The following TRPM8 variants were observed in gnomAD, a reference collection of about 807,000 sequenced individuals.
TRPM8 encodes transient receptor potential cation channel subfamily M member 8.
In TRPM8, 110 loss-of-function variants were observed where a neutral mutation model predicts 133.7. The ratio of observed to expected loss-of-function variants is 0.82; its 90% CI spans 0.70 to 0.96. The LOEUF (loss-of-function observed/expected upper bound fraction) is 0.96, where lower values mean the gene tolerates loss of function less well. Ranked by LOEUF, TRPM8 falls within the 40% of genes least tolerant of loss-of-function variation. TRPM8 has a pLI of 0.00. For missense variants in TRPM8, 1,291 were observed against 1,379.5 expected (o/e 0.94, Z 1.02); for synonymous variants, 535 against 532.3 (o/e 1.01, Z -0.07).
chr2:233,946,985 C>A, intron 7 of TRPM8, 103 bp from the exon 8 acceptor site: 1 of 990,846 alleles, frequency 1.0e-6, no homozygotes, highest in Non-Finnish European at 1.6e-6. Context: ...TATCTCTCCA[C>A]ACCCTAGGCT....
At chr2:233,960,521 T>A (rs958675950) in intron 11 of TRPM8, among the ~76,000 whole-genome samples, 1 of 152,196 alleles carries the variant, frequency 6.6e-6, no homozygotes, top group African/African-American at 2.4e-5. Context: ...CCAAGTCACA[T>A]CCAAATTCAC....
chr2:233,953,395 C>T (rs1371243496), intron 9 of TRPM8, among the ~76,000 whole-genome samples: 3 of 152,166 alleles, frequency 2.0e-5, no homozygotes, highest in East Asian at 1.9e-4. Flanking sequence ...CTTGAAATTA[C>T]AGGGTTATTT....
chr2:233,930,982 T>C (rs1029579723), intron 3 of TRPM8, among the ~76,000 whole-genome samples: 8 of 152,242 alleles, frequency 5.3e-5, no homozygotes, highest in Non-Finnish European at 1.2e-4. Flanking sequence ...AGGGAGGCTG[T>C]CACTCTCTTC....
chr2:233,980,708 T>C (rs1160757691), intron 18 of TRPM8, among the ~76,000 whole-genome samples: 1 of 152,192 alleles, frequency 6.6e-6, no homozygotes, highest in Non-Finnish European at 1.5e-5. Context: ...TTGATTTGAA[T>C]GCTGGCTGTG....
At chr2:233,972,656 C>T (rs1691758493) in intron 17 of TRPM8, among the ~76,000 whole-genome samples, 1 of 152,226 alleles carries the variant, frequency 6.6e-6, no homozygotes, top group African/African-American at 2.4e-5. Context: ...GAGTGCAGCG[C>T]CGGTGGGCCG....
rs542098508 is a variant in TRPM8 at position 233,965,521 on chromosome 2, A to G, written c.1879+764A>G. Among the ~76,000 whole-genome samples, 14 of 152,326 alleles carry G rather than the reference A, an allele frequency of 9.2e-5. No homozygotes were observed. In the South Asian group the frequency reaches 1.9e-3, roughly 20 times the overall value. ...AATCCAGAACCGATTACCTCTAAAC[A>G]GCATTTTAAATGAGAATTTCAGGCC... On this transcript the variant is annotated intron_variant, in intron 14 of 25. Coordinates refer to ENST00000324695, the MANE Select transcript of TRPM8 (RefSeq NM_024080.5).
At chr2:233,954,724 G>A (rs918743100) in intron 10 of TRPM8, among the ~76,000 whole-genome samples, 1 of 152,204 alleles carries the variant, frequency 6.6e-6, no homozygotes, top group Non-Finnish European at 1.5e-5. Flanking sequence ...CAGATACATA[G>A]ATGCATAAAA....
intron 21 of TRPM8, among the ~76,000 whole-genome samples, chr2:233,986,232 C>T (rs1692146493): frequency 6.6e-6 from 1 of 152,144 alleles, no homozygotes; most frequent in South Asian, 2.1e-4. Context: ...TTATGGGGCT[C>T]AGTGGTATGG....
chr2:234,010,305 A>G (rs1692804883), intron 24 of TRPM8, among the ~76,000 whole-genome samples: 1 of 152,216 alleles, frequency 6.6e-6, no homozygotes, highest in South Asian at 2.1e-4. Context: ...GGAAAATGGC[A>G]GCATTTCTTT....
chr2:233,937,082 G>A (rs1453062249), intron 3 of TRPM8, among the ~76,000 whole-genome samples: 3 of 151,864 alleles, frequency 2.0e-5, no homozygotes, highest in African/African-American at 4.8e-5. Context: ...TTTTAGCAGA[G>A]ATGGGGTTTC....
intron 13 of TRPM8, among the ~76,000 whole-genome samples, chr2:233,963,995 T>C (rs1220073762): frequency 6.6e-6 from 1 of 152,210 alleles, no homozygotes; most frequent in Non-Finnish European, 1.5e-5. Flanking sequence ...GTCTTAATAT[T>C]TTTTATATGG....
intron 24 of TRPM8, among the ~76,000 whole-genome samples, 171 bp downstream of exon 24, chr2:234,008,274 C>T (rs1367975629): frequency 1.3e-5 from 2 of 152,212 alleles, no homozygotes; most frequent in African/African-American, 4.8e-5. Flanking sequence ...CTCTAAGCAT[C>T]TCCCAGGGAA....
intron 4 of TRPM8, among the ~76,000 whole-genome samples, chr2:233,938,105 T>C (rs1690806062): frequency 6.6e-6 from 1 of 151,984 alleles, no homozygotes; most frequent in Non-Finnish European, 1.5e-5. Flanking sequence ...CACTGCTGAC[T>C]CCCCCAGGGC....
intron 6 of TRPM8, among the ~76,000 whole-genome samples, chr2:233,944,098 T>C (rs2125109047): frequency 6.6e-6 from 1 of 152,226 alleles, no homozygotes; most frequent in Middle Eastern, 3.4e-3. Flanking sequence ...GCCAGTTCCC[T>C]TCTTCAAGCT....
rs1470605742 is a variant in TRPM8 at position 233,983,146 on chromosome 2, C to T, written c.2683C>T (p.Arg895Cys). 6.2e-6 allele frequency: 10 copies of T among 1,613,996 alleles called. No homozygotes were observed. Among genetic ancestry groups the T allele is most frequent in the East Asian group, 2.2e-5 (1 of 44,888 alleles). The change falls in exon 20 of 26, where the codon CGC becomes TGC. Residue 895 changes from arginine to cysteine, a missense_variant. Physicochemically the swap from Arg to Cys is radical, Grantham distance 180. Transcript: ENST00000324695. The part of the protein sequence containing the change: ...RQGILRQNEQ[R>C]WRWIFRSVIY... ...AGGGATCCTTAGGCAGAATGAGCAG[C>T]GCTGGAGGTGGATATTCCGTTCGGT...
chr2:233,977,171 C>T lies in TRPM8; in HGVS notation c.2356-3017C>T, dbSNP rs149415474. 2.0e-5 allele frequency among the ~76,000 whole-genome samples: 3 copies of T among 152,230 alleles called. No homozygotes were observed. The East Asian group carries it at 5.8e-4, about 30-fold the overall frequency. On this transcript the variant is annotated intron_variant, in intron 17 of 25. Transcript: ENST00000324695. ...CAGTCAATAAGTGCAAATACAGTTG[C>T]TAAATAATCCTTGGGTCTGTTAAAC...
chr2:233,961,625 CTTTTCTTTTTTTTTT>C (rs1204970458), intron 12 of TRPM8, among the ~76,000 whole-genome samples: 2 of 119,538 alleles, frequency 1.7e-5, no homozygotes, highest in African/African-American at 7.3e-5. Context: ...CTTTTCTTTT[CTTTTCTTTTTTTTTT>C]TTTTTTTGAG....
rs200565353 is a variant in TRPM8 at position 233,966,603 on chromosome 2, G to T, written c.1880-7G>T. 1.2e-6 allele frequency: 2 copies of T among 1,613,950 alleles called. No individual in the cohort carries two copies. Among genetic ancestry groups the T allele is most frequent in the Middle Eastern group, 1.7e-4 (1 of 6,060 alleles). Reference sequence around the variant, plus strand: ...ACCAGCTTCTCTCTGTGCTGATGTCGCTGTAGAGCTGTTCACTGAGTGTTA... The same window carrying T: ...ACCAGCTTCTCTCTGTGCTGATGTCTCTGTAGAGCTGTTCACTGAGTGTTA... On this transcript the variant is annotated splice_polypyrimidine_tract_variant and splice_region_variant and intron_variant, in intron 14 of 25. Transcript: ENST00000324695.
intron 3 of TRPM8, among the ~76,000 whole-genome samples, chr2:233,932,753 C>A (rs891927648): frequency 6.6e-6 from 1 of 151,894 alleles, no homozygotes; most frequent in African/African-American, 2.4e-5. Context: ...TGCAAGGATG[C>A]AGGATTCTAT....
Sources: allele counts gnomAD v4.1 joint callset (sites outside exome capture counted in the v4.1 genomes callset), GRCh38; gene constraint gnomAD v4.1.1; transcripts MANE v1.5; gene names NCBI Gene and HGNC (gene_info 2026-07-23, HGNC 2026-07-21).